Variants in TFF2 observed in about 807,000 individuals in gnomAD.
The protein encoded by TFF2 is spasmolysin.
Under a neutral mutation model 16.0 loss-of-function variants are expected in TFF2, and 19 were observed. The observed-to-expected ratio is 1.19, with a 90% CI of 0.83 to 1.74. The LOEUF (loss-of-function observed/expected upper bound fraction) is 1.74. Among genes scored for constraint, TFF2 ranks in the 40% most tolerant of loss-of-function variants. TFF2 has a pLI of 0.00. For missense variants in TFF2, 168 were observed against 166.8 expected (o/e 1.01, Z -0.04); for synonymous variants, 61 against 65.4 (o/e 0.93, Z 0.32).
chr21:42,350,231 G>GAAAA, intron 1 of TFF2: 1 of 965,144 alleles, frequency 1.0e-6, no homozygotes. Context: ...AGTTTAAAAG[G>GAAAA]AAAAAAAAAA....
intron 2 of TFF2, among the ~76,000 whole-genome samples, chr21:42,348,234 C>A (rs1330009574): frequency 1.3e-5 from 2 of 152,130 alleles, no homozygotes; most frequent in Non-Finnish European, 2.9e-5. Context: ...TTCCTTTGAG[C>A]ACTCGTCGGC....
rs2052078016 is a variant in TFF2 at position 42,347,468 on chromosome 21, G to A, written c.376+18C>T. 1 of 1,614,054 alleles carries A rather than the reference G, an allele frequency of 6.2e-7. No individual in the cohort carries two copies. Among genetic ancestry groups the A allele is most frequent in the Non-Finnish European group, 8.5e-7 (1 of 1,179,930 alleles). ...ATGGTGTCCGGGAACCAGACAGAGA[G>A]TCCCACAGCGACGTTACCTTCCACA... On this transcript the variant is annotated intron_variant, in intron 3 of 3. Transcript: ENST00000291526.
rs146064552 is a variant in TFF2 at position 42,349,991 on chromosome 21, G to C, written c.119C>G (p.Thr40Arg). The C allele has an allele frequency of 1.9e-6, 3 of 1,600,164 alleles. No homozygotes were observed. Among genetic ancestry groups the C allele is most frequent in the African/African-American group, 2.7e-5 (2 of 74,750 alleles). ...GGTGATTCCAGGGAAGCCGCAGTTC[G>C]TCCTGTTATGGGGGCTCAGCCTGGA... ...QCSRLSPHNRTNCGFPGITSD... is the reference protein window; with the variant it reads ...QCSRLSPHNRRNCGFPGITSD... Residue 40 changes from threonine (T) to arginine (R), a missense_variant, in exon 2 of 4, where the codon ACG becomes AGG. By Grantham distance (71) the Thr-to-Arg change is moderately conservative (BLOSUM62 -1). Coordinates refer to ENST00000291526, the MANE Select transcript of TFF2 (RefSeq NM_005423.5).
At chr21:42,350,853 A>C (rs778691464) in intron 1 of TFF2, 26 bp downstream of exon 1, 1 of 1,585,578 alleles carries the variant, frequency 6.3e-7, no homozygotes, top group Non-Finnish European at 8.5e-7. Flanking sequence ...AAGAAAGCAC[A>C]TAAAAAGACC....
intron 2 of TFF2, 31 bp downstream of exon 2, chr21:42,349,850 G>T: frequency 6.4e-7 from 1 of 1,560,202 alleles, no homozygotes. Context: ...GTTGCCAGCT[G>T]CTGGCCCAGG....
At position 42,347,624 on chromosome 21, in the gene TFF2, G is replaced by C; in HGVS notation, c.238C>G (p.Gln80Glu). ...CGGTCTGAGACCTCCATGACGCACT[G>C]ATCCGACTCTGCCATGGGACAGGCA... ...FHPLPKQESDQCVMEVSDRRN... is the reference protein window; with the variant it reads ...FHPLPKQESDECVMEVSDRRN... The change falls in exon 3 of 4, where the codon CAG becomes GAG. Residue 80 changes from glutamine to glutamate, a missense_variant. By Grantham distance (29) the Gln-to-Glu change is conservative. Transcript: ENST00000291526. 1 of 1,614,090 alleles carries C rather than the reference G, an allele frequency of 6.2e-7. No homozygotes were observed. The highest frequency in any genetic ancestry group is 2.2e-5 in the East Asian group (1 of 44,878).
In TFF2 at chr21:42,347,396, G is replaced by A; in HGVS notation, c.376+90C>T. On this transcript the variant is annotated intron_variant, in intron 3 of 3. Coordinates refer to ENST00000291526, the MANE Select transcript of TFF2 (RefSeq NM_005423.5). ...GGCCTCGATGGCACTGAGGCTGCGAGGCAGCTCCCCTCCCTGCACCCCACC... is the reference window on the plus strand; with the variant it reads ...GGCCTCGATGGCACTGAGGCTGCGAAGCAGCTCCCCTCCCTGCACCCCACC... 4.5e-6 allele frequency: 7 copies of A among 1,569,352 alleles called. No homozygotes were observed. The Admixed American group carries it at 6.9e-5, about 15-fold the overall frequency.
intron 2 of TFF2, among the ~76,000 whole-genome samples, chr21:42,349,274 A>T (rs938450280): frequency 6.6e-6 from 1 of 151,906 alleles, no homozygotes; most frequent in Non-Finnish European, 1.5e-5. Flanking sequence ...CTCCAGACTA[A>T]CCAACCTAGG....
At position 42,346,946 on chromosome 21, in the gene TFF2, A is replaced by C. The variant is rs541887127; in HGVS notation, c.377-400T>G. On this transcript the variant is annotated intron_variant, in intron 3 of 3. Transcript: ENST00000291526. Reference sequence around the variant, plus strand: ...TCTTTTTTTACCTCGCCACACTCCGAGTCAGGAACACACTATCACTAAGCG... The same window carrying C: ...TCTTTTTTTACCTCGCCACACTCCGCGTCAGGAACACACTATCACTAAGCG... Among the ~76,000 whole-genome samples, 85 of 152,296 alleles carry C rather than the reference A, an allele frequency of 5.6e-4. 1 individual carries two copies. Among genetic ancestry groups the C allele is most frequent in the African/African-American group, 2.0e-3 (83 of 41,560 alleles).
At chr21:42,348,433 C>CTA (rs989795633) in intron 2 of TFF2, among the ~76,000 whole-genome samples, 28 of 150,874 alleles carry the variant, frequency 1.9e-4, no homozygotes, top group South Asian at 8.3e-4. Context: ...AGGAGACCTA[C>CTA]TATATATATA....
chr21:42,347,628 C>T lies in TFF2; in HGVS notation c.234G>A (p.Ser78=), dbSNP rs144121064. Residue 78 remains serine (S), a synonymous_variant, in exon 3 of 4, where the codon TCG becomes TCA. Transcript: ENST00000291526. ...WCFHPLPKQE[S]DQCVMEVSDR... Reference sequence around the variant, plus strand: ...CTGAGACCTCCATGACGCACTGATCCGACTCTGCCATGGGACAGGCACAGC... The same window carrying T: ...CTGAGACCTCCATGACGCACTGATCTGACTCTGCCATGGGACAGGCACAGC... The T allele has an allele frequency of 9.3e-6, 15 of 1,613,896 alleles. No individual in the cohort carries two copies. The highest frequency in any genetic ancestry group is 1.3e-5 in the African/African-American group (1 of 74,936).
rs993388698 is a variant in TFF2, at chr21:42,346,654, G to A, written c.377-108C>T. 4 of 1,240,088 alleles carry A rather than the reference G, an allele frequency of 3.2e-6. No homozygotes were observed. The African/African-American group carries it at 6.2e-5, about 19-fold the overall frequency. The allele number at this position is 1,240,088 out of a possible 1,614,324, so 76.8% of individuals were successfully genotyped here. On this transcript the variant is annotated intron_variant, in intron 3 of 3. Coordinates refer to ENST00000291526, the MANE Select transcript of TFF2 (RefSeq NM_005423.5). ...TCACTTTGCCCAGGAGCTTCCTACT[G>A]AAGAAGGAGCTCCTTTCCCGGGGAG...
intron 2 of TFF2, among the ~76,000 whole-genome samples, chr21:42,348,402 A>C (rs1568859262): frequency 6.6e-6 from 1 of 152,194 alleles, no homozygotes. Flanking sequence ...GCTTCTTCAG[A>C]AGTCACACTT....
In TFF2 at chr21:42,349,907, C is replaced by T. The variant is rs144328293; in HGVS notation, c.203G>A (p.Trp68Ter). 10 of 1,599,886 alleles carry T rather than the reference C, an allele frequency of 6.3e-6. No individual in the cohort carries two copies. In the African/African-American group the frequency reaches 1.2e-4, roughly 19 times the overall value. ...TTGCTTTGGGAGGGGGTGGAAACAC[C>T]AGGGGACCCCAGTGACACTGGAGTC... ...CFDSSVTGVPWCFHPLPKQES... is the reference protein window; with the variant it reads ...CFDSSVTGVP The change falls in exon 2 of 4, where the codon TGG becomes TAG. Residue 68 changes from tryptophan (W) to a stop codon, truncating the protein, a stop_gained. Transcript: ENST00000291526. LOFTEE classifies it high-confidence loss of function.
In TFF2 at chr21:42,346,407, G is replaced by C; in HGVS notation, c.*126C>G. On this transcript the variant is annotated 3_prime_UTR_variant, in exon 4 of 4. Transcript: ENST00000291526. ...TAAAGAAATTATATGTTAAACCATT[G>C]AAAATGAGGAAAAGATGGTTAAGAA... 8.0e-7 allele frequency: 1 copy of C among 1,244,496 alleles called. No individual in the cohort carries two copies. The allele number at this position is 1,244,496 out of a possible 1,614,324, so 77.1% of individuals were successfully genotyped here.
At position 42,347,647 on chromosome 21, in the gene TFF2, G is replaced by GC. The variant is rs2052080249; in HGVS notation, c.230-16dup. 2 of 1,612,680 alleles carry GC rather than the reference G, an allele frequency of 1.2e-6. No individual in the cohort carries two copies. Among genetic ancestry groups the GC allele is most frequent in the East Asian group, 4.5e-5 (2 of 44,870 alleles). On this transcript the variant is annotated splice_polypyrimidine_tract_variant and intron_variant, in intron 2 of 3. Coordinates refer to ENST00000291526, the MANE Select transcript of TFF2 (RefSeq NM_005423.5). ...CTGATCCGACTCTGCCATGGGACAG[G>GC]CACAGCACCGAGACCCAGTCAGGCC...
Position 42,349,977 on chromosome 21 carries a change from G to A in TFF2, c.133C>T (p.Pro45Ser), listed in dbSNP as rs1157233533. 5.6e-6 allele frequency: 9 copies of A among 1,599,810 alleles called. No homozygotes were observed. The highest frequency in any genetic ancestry group is 4.5e-5 in the East Asian group (2 of 44,418). The change falls in exon 2 of 4, where the codon CCT (proline) becomes TCT (serine). Residue 45 changes from proline (P) to serine (S), a missense_variant. Physicochemically the swap from Pro to Ser is moderately conservative, Grantham distance 74. Transcript: ENST00000291526. ...AAACACTGGTCACTGGTGATTCCAG[G>A]GAAGCCGCAGTTCGTCCTGTTATGG... is the stretch of plus-strand genomic sequence containing the variant. The part of the protein sequence containing the change: ...SPHNRTNCGF[P>S]GITSDQCFDN...
Position 42,347,514 on chromosome 21 carries a change from G to A in TFF2, c.348C>T (p.Pro116=), listed in dbSNP as rs772957920. 1 of 1,614,192 alleles carries A rather than the reference G, an allele frequency of 6.2e-7. No homozygotes were observed. The highest frequency in any genetic ancestry group is 8.5e-7 in the Non-Finnish European group (1 of 1,180,022). The part of the protein sequence containing the change: ...CCFSNFIFEV[P]WCFFPKSVED... ...CCACAGACTTCGGGAAGAAGCACCAGGGCACTTCAAAGATGAAGTTGGAGA... is the reference window on the plus strand; with the variant it reads ...CCACAGACTTCGGGAAGAAGCACCAAGGCACTTCAAAGATGAAGTTGGAGA... The change falls in exon 3 of 4, where the codon CCC becomes CCT. Residue 116 remains proline (P), a synonymous_variant. Transcript: ENST00000291526.
At chr21:42,346,826 G>A (rs116604096) in intron 3 of TFF2, among the ~76,000 whole-genome samples, 1,792 of 152,270 alleles carry the variant, frequency 0.012, 29 homozygotes, top group African/African-American at 0.041. Flanking sequence ...GAAATATTTC[G>A]CTCTTTGGAG....
Sources: gnomAD v4.1 joint callset for allele counts (sites outside exome capture counted in the v4.1 genomes callset) on GRCh38, gnomAD v4.1.1 for gene constraint, MANE v1.5 for transcripts, NCBI Gene and HGNC (gene_info 2026-07-23, HGNC 2026-07-21) for gene names.